The following PWWP2B variants were observed in gnomAD, a reference collection of about 807,000 sequenced individuals.
PWWP2B encodes the protein PWWP domain containing 2B, also known as PWWP domain-containing protein 2B.
In PWWP2B, 9 loss-of-function variants were observed where a neutral mutation model predicts 15.5. That is an observed-to-expected ratio of 0.58 (90% CI 0.35 to 1.02). The LOEUF is 1.02. Among genes scored for constraint, PWWP2B ranks in the 50% least tolerant of loss-of-function variants. PWWP2B has a pLI of 0.02. For missense variants in PWWP2B, 864 were observed against 865.3 expected, an observed-to-expected ratio of 1.00 and a Z score of 0.02; for synonymous variants, 474 against 403.6, an observed-to-expected ratio of 1.17 and a Z score of -2.09.
intron 1 of PWWP2B, among the ~76,000 whole-genome samples, chr10:132,401,610 C>T (rs2069617357): frequency 6.6e-6 from 1 of 152,242 alleles, no homozygotes; most frequent in Non-Finnish European, 1.5e-5. Flanking sequence ...TACACTGCAC[C>T]TGTGCACTTC....
intron 2 of PWWP2B, among the ~76,000 whole-genome samples, chr10:132,415,493 T>TC (rs1564878709): frequency 8.2e-6 from 1 of 122,022 alleles, no homozygotes; most frequent in Non-Finnish European, 1.7e-5. Flanking sequence ...ACACACCCAC[T>TC]CACACACATC....
intron 1 of PWWP2B, among the ~76,000 whole-genome samples, chr10:132,401,295 CT>C (rs2069612372): frequency 6.6e-6 from 1 of 152,228 alleles, no homozygotes; most frequent in Non-Finnish European, 1.5e-5. Flanking sequence ...TTCCCTAGCC[CT>C]TTCTCAAAGC....
rs550077021 is a variant in PWWP2B at position 132,402,526 on chromosome 10, G to A, written c.126-2100G>A. Among the ~76,000 whole-genome samples the A allele has an allele frequency of 5.2e-5, 8 of 152,404 alleles. No homozygotes were observed. In the East Asian group the frequency reaches 1.3e-3, roughly 26 times the overall value. ...TGCACCAGCGGGCGTGTGCACCAGC[G>A]TGAGGAGTGTGCATGCACATGGACG... is the stretch of plus-strand genomic sequence containing the variant. On this transcript the variant is annotated intron_variant, in intron 1 of 2. Coordinates refer to ENST00000305233, the MANE Select transcript of PWWP2B (RefSeq NM_138499.4).
intron 2 of PWWP2B, among the ~76,000 whole-genome samples, chr10:132,409,947 A>G (rs1191406679): frequency 6.6e-6 from 1 of 152,000 alleles, no homozygotes; most frequent in Non-Finnish European, 1.5e-5. Context: ...AGGGCAGGGC[A>G]TGTTCCAGGG....
intron 2 of PWWP2B, among the ~76,000 whole-genome samples, chr10:132,410,001 T>C (rs1249494044): frequency 6.6e-6 from 1 of 152,110 alleles, no homozygotes; most frequent in Non-Finnish European, 1.5e-5. Context: ...AGGCACAGAC[T>C]CTGGGTGCTG....
Position 132,405,472 on chromosome 10 carries a change from C to T in PWWP2B, c.972C>T (p.Ala324=), listed in dbSNP as rs761045293. ...PKLKLTRPVP[A]GADLPPPKIR... ...TGAAACTGACACGGCCTGTGCCGGC[C>T]GGCGCGGACCTGCCGCCCCCTAAGA... is the stretch of plus-strand genomic sequence containing the variant. Residue 324 remains alanine (A), a synonymous_variant, in exon 2 of 3, where the codon GCC becomes GCT. Coordinates refer to ENST00000305233, the MANE Select transcript of PWWP2B (RefSeq NM_138499.4). The T allele has an allele frequency of 9.3e-6, 15 of 1,605,532 alleles. No homozygotes were observed. The Middle Eastern group carries it at 6.6e-4, about 70-fold the overall frequency.
At chr10:132,400,285 G>A (rs760451287) in intron 1 of PWWP2B, among the ~76,000 whole-genome samples, 6 of 152,138 alleles carry the variant, frequency 3.9e-5, no homozygotes, top group East Asian at 1.9e-4. Context: ...TCTTCGGAGC[G>A]TCTCGAGGGG....
At chr10:132,398,739 G>C (rs1003717685) in intron 1 of PWWP2B, among the ~76,000 whole-genome samples, 2 of 152,220 alleles carry the variant, frequency 1.3e-5, no homozygotes, top group African/African-American at 4.8e-5. Flanking sequence ...CCCCGGCGTG[G>C]GAACTGGCAG....
At chr10:132,403,334 CCT>C (rs2133150115) in intron 1 of PWWP2B, among the ~76,000 whole-genome samples, 1 of 152,344 alleles carries the variant, frequency 6.6e-6, no homozygotes, top group African/African-American at 2.4e-5. Flanking sequence ...TCTCCATCTC[CCT>C]CTCTTTTTTC....
At chr10:132,398,003 T>C (rs2069561226) in intron 1 of PWWP2B, among the ~76,000 whole-genome samples, 2 of 152,206 alleles carry the variant, frequency 1.3e-5, no homozygotes, top group African/African-American at 4.8e-5. Context: ...GAGGCACCTG[T>C]GCACGGGCTG....
chr10:132,404,848 G>C lies in PWWP2B; in HGVS notation c.348G>C (p.Pro116=), dbSNP rs755996285. 6 of 1,239,054 alleles carry C rather than the reference G, an allele frequency of 4.8e-6. No homozygotes were observed. Among genetic ancestry groups the C allele is most frequent in the African/African-American group, 1.8e-5 (1 of 54,514 alleles). 76.8% of individuals were successfully genotyped at this position (1,239,054 alleles called of 1,614,324 possible). ...VPPLPAGSLP[P]YPPYFEGAPF... ...CGCTGCCCGCCGGAAGCCTGCCCCC[G>C]TACCCTCCCTACTTCGAAGGCGCCC... Residue 116 remains proline (P), a synonymous_variant, in exon 2 of 3, where the codon CCG becomes CCC. Transcript: ENST00000305233.
rs1491034948 is a variant in PWWP2B, at chr10:132,415,330, C to CCA, written c.*17-1724_*17-1723dup. On this transcript the variant is annotated intron_variant, in intron 2 of 2. Transcript: ENST00000305233. ...CTCACACACATCCACACACACCCCCCCACACACATATCCACTCACACACAT... is the reference window on the plus strand; with the variant it reads ...CTCACACACATCCACACACACCCCCCCACACACACATATCCACTCACACACAT... Among the ~76,000 whole-genome samples, 5 of 137,322 alleles carry CCA rather than the reference C, an allele frequency of 3.6e-5. No homozygotes were observed. The East Asian group carries it at 1.2e-3, about 33-fold the overall frequency. 90.1% of individuals were successfully genotyped at this position (137,322 alleles called of 152,430 possible).
Position 132,405,006 on chromosome 10 carries a change from TC to T in PWWP2B, c.508del (p.Arg170AlafsTer16). The T allele has an allele frequency of 6.5e-7, 1 of 1,549,060 alleles. No homozygotes were observed. Among genetic ancestry groups the T allele is most frequent in the Non-Finnish European group, 8.7e-7 (1 of 1,153,480 alleles). ...CCGGGGCGCCTCATCCTCAGCACCA[TC>T]CGCCTGCGGCCGCGCCAGGTGCTCT... Reference protein sequence around the residue: ...RDPGRLILSTIRLRPRQVLCE... With the variant: ...RDPGRLILSTXRLRPRQVLCE... On this transcript the variant is annotated frameshift_variant, in exon 2 of 3. Transcript: ENST00000305233. LOFTEE classifies it high-confidence loss of function.
intron 2 of PWWP2B, among the ~76,000 whole-genome samples, chr10:132,408,449 C>G (rs1198498780): frequency 6.6e-6 from 1 of 152,204 alleles, no homozygotes; most frequent in African/African-American, 2.4e-5. Flanking sequence ...CCTCTCTGAG[C>G]AGAGGCTGAG....
chr10:132,406,293 AGT>A lies in PWWP2B; in HGVS notation c.*16+8_*16+9del, dbSNP rs1486713513. 6.3e-7 allele frequency: 1 copy of A among 1,594,210 alleles called. No homozygotes were observed. The highest frequency in any genetic ancestry group is 1.3e-5 in the African/African-American group (1 of 74,374). ...ACGTAACTGGTTCCCTGACCAGGTG[AGT>A]GTGCCAGCGGCAGCCTCCTTCCCCC... On this transcript the variant is annotated splice_donor_5th_base_variant and intron_variant, in intron 2 of 2. Transcript: ENST00000305233.
At position 132,405,996 on chromosome 10, in the gene PWWP2B, A is replaced by C. The variant is rs980346218; in HGVS notation, c.1496A>C (p.His499Pro). The C allele has an allele frequency of 1.2e-6, 2 of 1,613,594 alleles. No homozygotes were observed. The highest frequency in any genetic ancestry group is 2.2e-5 in the East Asian group (1 of 44,864). ...AVGDIVWGKIHGFPWWPARVL... is the reference protein window; with the variant it reads ...AVGDIVWGKIPGFPWWPARVL... ...GGGGACATCGTCTGGGGTAAGATCC[A>C]TGGTTTTCCTTGGTGGCCGGCGCGT... Residue 499 changes from histidine to proline, a missense_variant, in exon 2 of 3, where the codon CAT becomes CCT. His to Pro is a moderately conservative substitution (Grantham distance 77). Transcript: ENST00000305233.
chr10:132,397,282 G>A lies in PWWP2B; in HGVS notation c.56G>A (p.Gly19Asp). Residue 19 changes from glycine (G) to aspartate (D), a missense_variant, in exon 1 of 3, where the codon GGC (glycine) becomes GAC (aspartate). Physicochemically the swap from Gly to Asp is moderately conservative, Grantham distance 94. Transcript: ENST00000305233. ...LPVRVEQVVN[G>D]ALVVTVSCGE... ...GTGCGGGTGGAGCAGGTCGTCAACG[G>A]CGCGCTGGTGGTCACGGTGAGCTGC... 7.1e-7 allele frequency: 1 copy of A among 1,414,176 alleles called. No individual in the cohort carries two copies. Among genetic ancestry groups the A allele is most frequent in the South Asian group, 1.5e-5 (1 of 64,948 alleles). The allele number at this position is 1,414,176 out of a possible 1,614,324, so 87.6% of individuals were successfully genotyped here.
In PWWP2B at chr10:132,404,905, G is replaced by A. The variant is rs774053965; in HGVS notation, c.405G>A (p.Thr135=). The A allele has an allele frequency of 3.0e-5, 48 of 1,594,568 alleles. No homozygotes were observed. The highest frequency in any genetic ancestry group is 1.2e-4 in the South Asian group (11 of 90,928). The change falls in exon 2 of 3, where the codon ACG becomes ACA. Residue 135 remains threonine, a synonymous_variant. Transcript: ENST00000305233. ...PFPHPLWLRD[T]YKLWVPQPPP... is the part of the protein sequence containing the mutation. Reference sequence around the variant, plus strand: ...CTCACCCGCTGTGGCTCCGGGACACGTACAAGCTGTGGGTGCCCCAGCCGC... The same window carrying A: ...CTCACCCGCTGTGGCTCCGGGACACATACAAGCTGTGGGTGCCCCAGCCGC...
At chr10:132,397,591 C>A (rs1414600156) in intron 1 of PWWP2B, among the ~76,000 whole-genome samples, 1 of 140,060 alleles carries the variant, frequency 7.1e-6, no homozygotes, top group Admixed American at 6.9e-5. Context: ...CGGGCCGGGG[C>A]GGGGGGCGCG....
Sources: gnomAD v4.1 joint callset for allele counts (sites outside exome capture counted in the v4.1 genomes callset) on GRCh38, gnomAD v4.1.1 for gene constraint, MANE v1.5 for transcripts, NCBI Gene and HGNC (gene_info 2026-07-23, HGNC 2026-07-21) for gene names.